Variants in INTS8 observed in about 807,000 individuals in gnomAD.
INTS8 encodes the protein integrator complex subunit 8, also known as protein kaonashi-1.
In INTS8, 47 loss-of-function variants were observed where a neutral mutation model predicts 138.9. The ratio of observed to expected loss-of-function variants is 0.34; its 90% CI spans 0.27 to 0.43. The LOEUF (loss-of-function observed/expected upper bound fraction) is 0.43. Among genes scored for constraint, INTS8 ranks in the 20% least tolerant of loss-of-function variants. INTS8 has a pLI of 1.00. For synonymous variants in INTS8, 392 were observed against 400.9 expected, an observed-to-expected ratio of 0.98 and a Z score of 0.27; for missense variants, 996 against 1,173.0, an observed-to-expected ratio of 0.85 and a Z score of 2.20.
Position 94,871,561 on chromosome 8 carries a change from G to A in INTS8, c.2415-323G>A, listed in dbSNP as rs551809413. 2.6e-5 allele frequency among the ~76,000 whole-genome samples: 4 copies of A among 152,196 alleles called. No individual in the cohort carries two copies. The East Asian group carries it at 7.7e-4, about 29-fold the overall frequency. ...CATAAATTGTGCTAAGCAGAGGTAAGGGTTTTATCTCACTACTTCTGTATG... is the reference window on the plus strand; with the variant it reads ...CATAAATTGTGCTAAGCAGAGGTAAAGGTTTTATCTCACTACTTCTGTATG... On this transcript the variant is annotated intron_variant, in intron 20 of 26. Transcript: ENST00000523731.
intron 1 of INTS8, 83 bp downstream of exon 1, chr8:94,823,644 G>T: frequency 8.4e-7 from 1 of 1,188,442 alleles, no homozygotes. Flanking sequence ...CCGCCTTCTC[G>T]GTCACCGAAG....
chr8:94,851,978 T>G (rs1815562913), intron 13 of INTS8, among the ~76,000 whole-genome samples: 1 of 152,232 alleles, frequency 6.6e-6, no homozygotes, highest in Admixed American at 6.5e-5. Context: ...AATCTCACTC[T>G]GTCGCTCAGG....
rs376686394 is a variant in INTS8 at position 94,872,319 on chromosome 8, C to T, written c.2533+317C>T. On this transcript the variant is annotated intron_variant, in intron 21 of 26. Transcript: ENST00000523731. ...CACGATCTTGGCTCACTGCAAACTC[C>T]GCCTCCCGGGTTCAAGCGATTCTCC... is the stretch of plus-strand genomic sequence containing the variant. Among the ~76,000 whole-genome samples, 43 of 152,074 alleles carry T rather than the reference C, an allele frequency of 2.8e-4. 1 individual carries two copies. In the East Asian group the frequency reaches 7.4e-3, roughly 26 times the overall value.
chr8:94,863,917 G>A (rs189242373), intron 16 of INTS8, among the ~76,000 whole-genome samples: 1 of 152,278 alleles, frequency 6.6e-6, no homozygotes, highest in African/African-American at 2.4e-5. Context: ...TATTCACCTA[G>A]TATAGGCAGG....
At chr8:94,838,652 G>C in intron 8 of INTS8, 34 bp downstream of exon 8, 1 of 1,570,904 alleles carries the variant, frequency 6.4e-7, no homozygotes, top group Non-Finnish European at 8.7e-7. Context: ...GTGAAGTTTT[G>C]GAAGCCAGAC....
chr8:94,860,861 C>G (rs1399240959), intron 16 of INTS8, among the ~76,000 whole-genome samples: 1 of 151,768 alleles, frequency 6.6e-6, no homozygotes, highest in Non-Finnish European at 1.5e-5. Context: ...GGAGACCATC[C>G]TGGCTAACAA....
intron 12 of INTS8, among the ~76,000 whole-genome samples, chr8:94,850,686 G>C (rs894838957): frequency 6.6e-6 from 1 of 151,956 alleles, no homozygotes; most frequent in African/African-American, 2.4e-5. Context: ...TGTTCATGGA[G>C]GTAAAAACAG....
intron 16 of INTS8, among the ~76,000 whole-genome samples, chr8:94,861,712 C>T (rs771402925): frequency 3.3e-5 from 5 of 151,954 alleles, no homozygotes; most frequent in Non-Finnish European, 7.4e-5. Context: ...ACCACCACGC[C>T]TGGCTAATTT....
rs780562892 is a variant in INTS8 at position 94,829,035 on chromosome 8, T to A, written c.570+9T>A. ...AAAACATTTTGAAAGTGGTAAGTATTGGCATCAGTTACACAGTAACACTTC... is the reference window on the plus strand; with the variant it reads ...AAAACATTTTGAAAGTGGTAAGTATAGGCATCAGTTACACAGTAACACTTC... On this transcript the variant is annotated intron_variant, in intron 5 of 26. Coordinates refer to ENST00000523731, the MANE Select transcript of INTS8 (RefSeq NM_017864.4). The A allele has an allele frequency of 1.9e-6, 3 of 1,588,722 alleles. No homozygotes were observed. The highest frequency in any genetic ancestry group is 4.5e-5 in the East Asian group (2 of 44,516).
chr8:94,875,662 T>C (rs548171638), intron 23 of INTS8, among the ~76,000 whole-genome samples: 1 of 152,302 alleles, frequency 6.6e-6, no homozygotes, highest in African/African-American at 2.4e-5. Flanking sequence ...AGATGGACAT[T>C]ATGACCTGAG....
At chr8:94,830,744 C>A (rs1257913259) in intron 5 of INTS8, among the ~76,000 whole-genome samples, 2 of 152,140 alleles carry the variant, frequency 1.3e-5, no homozygotes, top group African/African-American at 2.4e-5. Context: ...GCGATCCACC[C>A]ACTTCGGACC....
At chr8:94,841,625 G>A (rs1178978344) in intron 9 of INTS8, 34 bp downstream of exon 9, 2 of 1,089,856 alleles carry the variant, frequency 1.8e-6, no homozygotes, top group South Asian at 1.4e-5. Flanking sequence ...CTTGATTTTT[G>A]AATAAAACAG....
At chr8:94,838,642 G>A (rs774022803) in intron 8 of INTS8, 24 bp downstream of exon 8, 31 of 1,582,650 alleles carry the variant, frequency 2.0e-5, no homozygotes, top group Non-Finnish European at 2.7e-5. Context: ...GGGGGATGCA[G>A]TGAAGTTTTG....
intron 3 of INTS8, 100 bp downstream of exon 3, chr8:94,827,503 G>C: frequency 7.2e-7 from 1 of 1,392,574 alleles, no homozygotes; most frequent in Non-Finnish European, 1.0e-6. Context: ...CTGCTGCAGG[G>C]ATTTTTCAAA....
At chr8:94,843,090 C>G (rs1245827167) in intron 10 of INTS8, among the ~76,000 whole-genome samples, 1 of 152,146 alleles carries the variant, frequency 6.6e-6, no homozygotes, top group Non-Finnish European at 1.5e-5. Context: ...TCATAATTTT[C>G]TTGCTTTCTT....
At position 94,873,416 on chromosome 8, in the gene INTS8, C is replaced by T; in HGVS notation, c.2576C>T (p.Ala859Val). 1 of 1,613,990 alleles carries T rather than the reference C, an allele frequency of 6.2e-7. No homozygotes were observed. The highest frequency in any genetic ancestry group is 8.5e-7 in the Non-Finnish European group (1 of 1,179,854). ...GCAGCTCTTCACTATTACCTCCAGGCAGGAGCTGTGTGTTCTGACTTCTTT... is the reference window on the plus strand; with the variant it reads ...GCAGCTCTTCACTATTACCTCCAGGTAGGAGCTGTGTGTTCTGACTTCTTT... ...YSAALHYYLQ[A>V]GAVCSDFFNK... is the part of the protein sequence containing the mutation. The change falls in exon 22 of 27, where the codon GCA becomes GTA. Residue 859 changes from alanine (A) to valine (V), a missense_variant. Coordinates refer to ENST00000523731, the MANE Select transcript of INTS8 (RefSeq NM_017864.4).
chr8:94,835,792 G>C (rs1426533456), intron 6 of INTS8, among the ~76,000 whole-genome samples: 1 of 152,100 alleles, frequency 6.6e-6, no homozygotes, highest in Non-Finnish European at 1.5e-5. Flanking sequence ...TAGAGATAGG[G>C]TTTCACTATG....
intron 6 of INTS8, among the ~76,000 whole-genome samples, 171 bp from the exon 7 acceptor site, chr8:94,836,353 T>C (rs528725091): frequency 9.2e-5 from 14 of 152,320 alleles, no homozygotes; most frequent in African/African-American, 3.4e-4. Context: ...TGACCAGAGT[T>C]GGTTTATGTT....
chr8:94,831,366 G>A (rs961967826), intron 5 of INTS8, among the ~76,000 whole-genome samples: 3 of 151,680 alleles, frequency 2.0e-5, no homozygotes, highest in Non-Finnish European at 2.9e-5. Context: ...CTCCTGCCTC[G>A]CTTGGCCTCC....
Sources: allele counts gnomAD v4.1 joint callset (sites outside exome capture counted in the v4.1 genomes callset), GRCh38; gene constraint gnomAD v4.1.1; transcripts MANE v1.5; gene names NCBI Gene and HGNC (gene_info 2026-07-23, HGNC 2026-07-21).